ZFP37: variants seen among roughly 807,000 people sequenced by gnomAD.
The protein encoded by ZFP37 is zinc finger protein 37 homolog.
A neutral mutation model predicts 52.1 loss-of-function variants in ZFP37; 38 were observed. The observed-to-expected ratio is 0.73, with a 90% CI of 0.56 to 0.96. The LOEUF is 0.96. Among genes scored for constraint, ZFP37 ranks in the 40% least tolerant of loss-of-function variants. ZFP37 has a pLI of 0.00. For synonymous variants in ZFP37, 253 were observed against 259.5 expected (o/e 0.98, Z 0.24); for missense variants, 695 against 741.4 (o/e 0.94, Z 0.73).
At chr9:113,049,666 C>T in intron 2 of ZFP37, 125 bp downstream of exon 2, 3 of 1,445,258 alleles carry the variant, frequency 2.1e-6, no homozygotes, top group East Asian at 4.7e-5. Flanking sequence ...CACAAATATC[C>T]TGCCTAGTAC....
rs779383144 is a variant in ZFP37 at position 113,043,659 on chromosome 9, G to A, written c.959C>T (p.Pro320Leu). The change falls in exon 4 of 4, where the codon CCA becomes CTA. Residue 320 changes from proline to leucine, a missense_variant. Physicochemically the swap from Pro to Leu is moderately conservative, Grantham distance 98. Around this residue, in one of 2 missense-constraint regions of ZFP37, gnomAD observed 326 missense variants for 400.5 expected, o/e 0.81. Coordinates refer to ENST00000374227, the MANE Select transcript of ZFP37 (RefSeq NM_003408.3). Reference sequence around the variant, plus strand: ...TATCCCACATTCATTACATTCATATGGTTTCTCCCCAGTATGAACTCTCTG... The same window carrying A: ...TATCCCACATTCATTACATTCATATAGTTTCTCCCCAGTATGAACTCTCTG... Reference protein sequence around the residue: ...DHQRVHTGEKPYECNECGIAF... With the variant: ...DHQRVHTGEKLYECNECGIAF... The A allele has an allele frequency of 5.6e-6, 9 of 1,613,918 alleles. No individual in the cohort carries two copies. The highest frequency in any genetic ancestry group is 7.6e-6 in the Non-Finnish European group (9 of 1,179,954).
At chr9:113,045,445 T>C (rs1426938950) in intron 3 of ZFP37, among the ~76,000 whole-genome samples, 1 of 152,242 alleles carries the variant, frequency 6.6e-6, no homozygotes, top group Non-Finnish European at 1.5e-5. Flanking sequence ...TGTTTTCCAA[T>C]AGTTTGCTAT....
rs186390380 is a variant in ZFP37 at position 113,044,914 on chromosome 9, G to A, written c.350-646C>T. On this transcript the variant is annotated intron_variant, in intron 3 of 3. Coordinates refer to ENST00000374227, the MANE Select transcript of ZFP37 (RefSeq NM_003408.3). ...CGAGAAGCAGAGACATAAGAACTGC[G>A]TCTTTAAAGAGATCATTTGCACAAT... Among the ~76,000 whole-genome samples the A allele has an allele frequency of 2.6e-4, 39 of 151,764 alleles. No individual in the cohort carries two copies. The East Asian group carries it at 3.9e-3, about 15-fold the overall frequency.
At chr9:113,047,860 GT>G (rs1464557877) in intron 3 of ZFP37, among the ~76,000 whole-genome samples, 1 of 152,230 alleles carries the variant, frequency 6.6e-6, no homozygotes, top group Non-Finnish European at 1.5e-5. Context: ...ATAAGCTGTT[GT>G]TTAAGTAGGT....
At chr9:113,046,901 A>T (rs1348728338) in intron 3 of ZFP37, among the ~76,000 whole-genome samples, 2 of 152,046 alleles carry the variant, frequency 1.3e-5, no homozygotes, top group African/African-American at 4.8e-5. Flanking sequence ...CAAGGTCAGG[A>T]ATCGAGACCA....
At chr9:113,051,338 G>A (rs1016166666) in intron 1 of ZFP37, among the ~76,000 whole-genome samples, 8 of 152,052 alleles carry the variant, frequency 5.3e-5, no homozygotes, top group Non-Finnish European at 8.8e-5. Flanking sequence ...GGGGGAGGAC[G>A]GCACAGCTAT....
chr9:113,043,427 T>C lies in ZFP37; in HGVS notation c.1191A>G (p.Arg397=), dbSNP rs1241946595. Residue 397 remains arginine (R), a synonymous_variant, in exon 4 of 4, where the codon AGA becomes AGG. Transcript: ENST00000374227. ...RHSSNLIQHV[R]SHTGEKPYEC... ...CATATGGCTTCTCACCTGTGTGAGATCTCACATGTTGAATAAGGTTTGAGC... is the reference window on the plus strand; with the variant it reads ...CATATGGCTTCTCACCTGTGTGAGACCTCACATGTTGAATAAGGTTTGAGC... 3 of 1,614,106 alleles carry C rather than the reference T, an allele frequency of 1.9e-6. No individual in the cohort carries two copies. The highest frequency in any genetic ancestry group is 1.1e-5 in the South Asian group (1 of 91,084).
Position 113,043,699 on chromosome 9 carries a change from C to T in ZFP37, c.919G>A (p.Gly307Arg), listed in dbSNP as rs746323263. 9.3e-6 allele frequency: 15 copies of T among 1,613,972 alleles called. No homozygotes were observed. The South Asian group carries it at 1.6e-4, about 18-fold the overall frequency. The change falls in exon 4 of 4, where the codon GGA becomes AGA. Residue 307 changes from glycine to arginine, a missense_variant. By Grantham distance (125) the Gly-to-Arg change is moderately radical (BLOSUM62 -2). This residue lies in a region of ZFP37 where 326 missense variants were observed against 400.5 expected (regional missense o/e 0.81). Coordinates refer to ENST00000374227, the MANE Select transcript of ZFP37 (RefSeq NM_003408.3). ...QCGKVLSHKQ[G>R]LIDHQRVHTG... is the part of the protein sequence containing the mutation. ...TGAACTCTCTGATGGTCAATGAGTC[C>T]TTGTTTATGGCTGAGAACCTTTCCA...
Position 113,043,147 on chromosome 9 carries a change from A to G in ZFP37, c.1471T>C (p.Cys491Arg). ...RTHTKEKPYKCNECGKAFGHS... is the reference protein window; with the variant it reads ...RTHTKEKPYKRNECGKAFGHS... ...CCAAAGGCTTTTCCACACTCATTAC[A>G]TTTATAAGGTTTCTCCTTAGTATGA... The change falls in exon 4 of 4, where the codon TGT (cysteine) becomes CGT (arginine). Residue 491 changes from cysteine to arginine, a missense_variant. Physicochemically the swap from Cys to Arg is radical, Grantham distance 180. This residue lies in a region of ZFP37 where 326 missense variants were observed against 400.5 expected (regional missense o/e 0.81). Transcript: ENST00000374227. The G allele has an allele frequency of 1.2e-6, 2 of 1,613,792 alleles. No homozygotes were observed. The highest frequency in any genetic ancestry group is 1.7e-6 in the Non-Finnish European group (2 of 1,179,948).
chr9:113,045,971 T>C (rs1458757361), intron 3 of ZFP37, among the ~76,000 whole-genome samples: 1 of 152,014 alleles, frequency 6.6e-6, no homozygotes, highest in East Asian at 1.9e-4. Context: ...ATAGCCACCT[T>C]GATGGTAAAG....
rs776292826 is a variant in ZFP37 at position 113,043,111 on chromosome 9, A to G, written c.1507T>C (p.Ser503Pro). 1 of 1,613,684 alleles carries G rather than the reference A, an allele frequency of 6.2e-7. No homozygotes were observed. The highest frequency in any genetic ancestry group is 8.5e-7 in the Non-Finnish European group (1 of 1,179,950). ...ECGKAFGHSS[S>P]LTYHMRTHTG... Reference sequence around the variant, plus strand: ...TGAGTTCTCATATGGTAAGTAAGAGATGAGCTATGTCCAAAGGCTTTTCCA... The same window carrying G: ...TGAGTTCTCATATGGTAAGTAAGAGGTGAGCTATGTCCAAAGGCTTTTCCA... Residue 503 changes from serine to proline, a missense_variant, in exon 4 of 4, where the codon TCT (serine) becomes CCT (proline). Coordinates refer to ENST00000374227, the MANE Select transcript of ZFP37 (RefSeq NM_003408.3).
At chr9:113,050,892 C>CAA (rs113594789) in intron 1 of ZFP37, among the ~76,000 whole-genome samples, 17 of 131,348 alleles carry the variant, frequency 1.3e-4, no homozygotes, top group South Asian at 2.4e-4. Context: ...GACTCCATCT[C>CAA]AAAAAAAAAA....
Position 113,044,099 on chromosome 9 carries a change from C to T in ZFP37, c.519G>A (p.Arg173=), listed in dbSNP as rs768004346. The change falls in exon 4 of 4, where the codon AGG becomes AGA. Residue 173 remains arginine, a synonymous_variant. Coordinates refer to ENST00000374227, the MANE Select transcript of ZFP37 (RefSeq NM_003408.3). ...LHKKHVPSKK[R]LLKFESCGKI... ...TTCCACATGACTCAAATTTAAGAAG[C>T]CTTTTCTTTGAAGGAACATGTTTTT... The T allele has an allele frequency of 3.7e-6, 6 of 1,611,330 alleles. No homozygotes were observed. Among genetic ancestry groups the T allele is most frequent in the Non-Finnish European group, 5.1e-6 (6 of 1,179,422 alleles).
intron 3 of ZFP37, among the ~76,000 whole-genome samples, chr9:113,046,595 G>A (rs1307126863): frequency 6.6e-6 from 1 of 152,114 alleles, no homozygotes; most frequent in African/African-American, 2.4e-5. Flanking sequence ...ATGAAGGAAA[G>A]GAGGAGAATT....
Position 113,043,755 on chromosome 9 carries a change from G to C in ZFP37, c.863C>G (p.Ala288Gly), listed in dbSNP as rs1263892645. 24 of 1,613,872 alleles carry C rather than the reference G, an allele frequency of 1.5e-5. No individual in the cohort carries two copies. Among genetic ancestry groups the C allele is most frequent in the Non-Finnish European group, 1.9e-5 (22 of 1,179,980 alleles). Residue 288 changes from alanine (A) to glycine (G), a missense_variant, in exon 4 of 4, where the codon GCT becomes GGT. This residue lies in a region of ZFP37 where 369 missense variants were observed against 340.9 expected (regional missense o/e 1.08). Coordinates refer to ENST00000374227, the MANE Select transcript of ZFP37 (RefSeq NM_003408.3). ...ATTACATTCATAGGGTTTCACACAAGCTTGAGGTTTTTCATGCTTAGTAGA... is the reference window on the plus strand; with the variant it reads ...ATTACATTCATAGGGTTTCACACAACCTTGAGGTTTTTCATGCTTAGTAGA... Reference protein sequence around the residue: ...SSSTKHEKPQACVKPYECNQC... With the variant: ...SSSTKHEKPQGCVKPYECNQC...
rs1215897187 is a variant in ZFP37 at position 113,043,851 on chromosome 9, C to A, written c.767G>T (p.Ser256Ile). The change falls in exon 4 of 4, where the codon AGT becomes ATT. Residue 256 changes from serine (S) to isoleucine (I), a missense_variant. Ser to Ile is a moderately radical substitution (Grantham distance 142). Around this residue, in one of 2 missense-constraint regions of ZFP37, gnomAD observed 369 missense variants for 340.9 expected, o/e 1.08. Coordinates refer to ENST00000374227, the MANE Select transcript of ZFP37 (RefSeq NM_003408.3). ...TTTGTCCTGTTTAATATGGGATGAA[C>A]TATGACAGCATAATTTGTCATGTTT... ...GKKHDKLCCHSSSHIKQDKIQ... is the reference protein window; with the variant it reads ...GKKHDKLCCHISSHIKQDKIQ... 6.2e-7 allele frequency: 1 copy of A among 1,613,926 alleles called. No individual in the cohort carries two copies. Among genetic ancestry groups the A allele is most frequent in the Non-Finnish European group, 8.5e-7 (1 of 1,179,956 alleles).
intron 1 of ZFP37, chr9:113,050,092 T>C: frequency 3.0e-6 from 2 of 669,826 alleles, no homozygotes; most frequent in Non-Finnish European, 4.5e-6. Context: ...TATTAAGAAA[T>C]GTCCCTACTG....
At position 113,049,837 on chromosome 9, in the gene ZFP37, C is replaced by T; in HGVS notation, c.168G>A (p.Leu56=). 1 of 1,614,082 alleles carries T rather than the reference C, an allele frequency of 6.2e-7. No homozygotes were observed. The highest frequency in any genetic ancestry group is 8.5e-7 in the Non-Finnish European group (1 of 1,179,952). The change falls in exon 2 of 4, where the codon CTG becomes CTA. Residue 56 remains leucine, a synonymous_variant. Coordinates refer to ENST00000374227, the MANE Select transcript of ZFP37 (RefSeq NM_003408.3). ...AGTTCTCCAGCATCACATCATTATA[C>T]AGGTTGCTCTGAGCAGGATCCAGTT... ...WKQLDPAQSN[L]YNDVMLENYC...
chr9:113,053,179 C>A (rs1348104250), intron 1 of ZFP37, among the ~76,000 whole-genome samples: 1 of 152,220 alleles, frequency 6.6e-6, no homozygotes, highest in African/African-American at 2.4e-5. Flanking sequence ...TATCCTGCTA[C>A]TTTTTCTAGT....
Sources: allele counts gnomAD v4.1 joint callset (sites outside exome capture counted in the v4.1 genomes callset), GRCh38; gene constraint gnomAD v4.1.1; regional missense constraint gnomAD v4.1.1; transcripts MANE v1.5; gene names NCBI Gene and HGNC (gene_info 2026-07-23, HGNC 2026-07-21).